The following DACH1 variants were observed in gnomAD, a reference collection of about 807,000 sequenced individuals.
DACH1 encodes the protein dachshund homolog 1.
DACH1 carries 12 observed loss-of-function variants against 54.2 expected under a neutral mutation model. The observed-to-expected ratio is 0.22, with a 90% confidence interval of 0.14 to 0.36. The LOEUF (loss-of-function observed/expected upper bound fraction) is 0.36. Ranked by LOEUF, DACH1 falls within the 10% of genes least tolerant of loss-of-function variation. The pLI is 1.00. For synonymous variants in DACH1, 386 were observed against 366.2 expected, an observed-to-expected ratio of 1.05 and a Z score of -0.62; for missense variants, 805 against 929.8, an observed-to-expected ratio of 0.87 and a Z score of 1.75.
chr13:71,557,505 A>G (rs554629995), intron 5 of DACH1, among the ~76,000 whole-genome samples: 6 of 152,294 alleles, frequency 3.9e-5, no homozygotes, highest in Non-Finnish European at 5.9e-5. Flanking sequence ...TTTCAGGATC[A>G]AGGGATAATT....
Position 71,625,066 on chromosome 13 carries a change from A to G in DACH1, c.1126+5490T>C, listed in dbSNP as rs145809472. On this transcript the variant is annotated intron_variant, in intron 3 of 10. Transcript: ENST00000613252. The stretch of plus-strand genomic sequence containing the variant: ...ACACCTGTCATAGCATGCTATGTAA[A>G]TTACTACCTCTCTCAGGACCTATGT... Among the ~76,000 whole-genome samples the G allele has an allele frequency of 4.1e-3, 630 of 152,030 alleles. 3 individuals are homozygous for G. Among genetic ancestry groups the G allele is most frequent in the Non-Finnish European group, 7.1e-3 (482 of 67,908 alleles).
At chr13:71,761,113 A>G (rs1228049516) in intron 1 of DACH1, among the ~76,000 whole-genome samples, 1 of 152,168 alleles carries the variant, frequency 6.6e-6, no homozygotes, top group Non-Finnish European at 1.5e-5. Flanking sequence ...AAAAGCTTGA[A>G]TTGAATAAAG....
intron 7 of DACH1, among the ~76,000 whole-genome samples, chr13:71,483,758 T>C (rs898271199): frequency 6.6e-6 from 1 of 152,022 alleles, no homozygotes; most frequent in Non-Finnish European, 1.5e-5. Context: ...CATAAGATTA[T>C]AATATCATAT....
chr13:71,689,817 T>G (rs1006287465), intron 1 of DACH1, among the ~76,000 whole-genome samples: 2 of 152,156 alleles, frequency 1.3e-5, no homozygotes, highest in Non-Finnish European at 2.9e-5. Context: ...TAAAGAGAGT[T>G]CCTGTCGTAG....
chr13:71,462,992 C>T (rs1160301929), intron 10 of DACH1, among the ~76,000 whole-genome samples: 1 of 151,570 alleles, frequency 6.6e-6, no homozygotes, highest in Non-Finnish European at 1.5e-5. Flanking sequence ...GATGTCTTTG[C>T]CATTTTGACA....
At chr13:71,687,824 G>T (rs1234643043) in intron 1 of DACH1, among the ~76,000 whole-genome samples, 2 of 152,076 alleles carry the variant, frequency 1.3e-5, no homozygotes, top group Middle Eastern at 3.2e-3. Context: ...GCCCAGGCTG[G>T]TCTCGAATTC....
chr13:71,489,153 A>ATGTGTT lies in DACH1; in HGVS notation c.1571-6_1571-5insAACACA. ...GTGTAGAAAGCGGGGTCTCATCTGC[A>ATGTGTT]TGTGATTGAAACAAAAATATAGAAC... On this transcript the variant is annotated splice_polypyrimidine_tract_variant and splice_region_variant and intron_variant, in intron 6 of 10. Coordinates refer to ENST00000613252, the MANE Select transcript of DACH1 (RefSeq NM_080759.6). 3 of 1,610,276 alleles carry ATGTGTT rather than the reference A, an allele frequency of 1.9e-6. No individual in the cohort carries two copies. The highest frequency in any genetic ancestry group is 2.5e-6 in the Non-Finnish European group (3 of 1,177,854).
At chr13:71,539,587 G>T (rs1593857577) in intron 6 of DACH1, among the ~76,000 whole-genome samples, 1 of 152,118 alleles carries the variant, frequency 6.6e-6, no homozygotes, top group East Asian at 1.9e-4. Context: ...AGGAATCAAT[G>T]TGCACAAATT....
chr13:71,732,584 TAAAAAAAAAAAA>T (rs768740365), intron 1 of DACH1, among the ~76,000 whole-genome samples: 1 of 110,626 alleles, frequency 9.0e-6, no homozygotes, highest in Non-Finnish European at 2.0e-5. Context: ...AGACTATTTC[TAAAAAAAAAAAA>T]AAAAAAAGTC....
chr13:71,462,315 A>AT (rs532634647), intron 10 of DACH1, among the ~76,000 whole-genome samples: 71 of 152,020 alleles, frequency 4.7e-4, no homozygotes, highest in Admixed American at 3.6e-3. Context: ...TAACTAGTTT[A>AT]TTTTTTATTC....
intron 7 of DACH1, 117 bp from the exon 8 acceptor site, chr13:71,479,433 A>G: frequency 1.0e-6 from 1 of 957,546 alleles, no homozygotes; most frequent in South Asian, 1.6e-5. Context: ...ATTCTTTCGC[A>G]TTCACTCTGC....
At chr13:71,465,595 T>C (rs1378511568) in intron 10 of DACH1, among the ~76,000 whole-genome samples, 1 of 152,142 alleles carries the variant, frequency 6.6e-6, no homozygotes, top group African/African-American at 2.4e-5. Context: ...TTTTTTGTTG[T>C]GATGATGTTT....
intron 6 of DACH1, among the ~76,000 whole-genome samples, chr13:71,494,023 C>A (rs549250704): frequency 6.6e-6 from 1 of 152,122 alleles, no homozygotes; most frequent in Non-Finnish European, 1.5e-5. Context: ...TATAAGGCAG[C>A]ACTCCCAATA....
intron 4 of DACH1, among the ~76,000 whole-genome samples, 157 bp downstream of exon 4, chr13:71,572,683 C>T (rs1885286661): frequency 2.6e-5 from 4 of 151,942 alleles, no homozygotes; most frequent in Admixed American, 2.6e-4. Context: ...AGTAATGTGC[C>T]CCTGGGGCCA....
intron 4 of DACH1, among the ~76,000 whole-genome samples, chr13:71,563,788 G>A (rs973999104): frequency 2.6e-5 from 4 of 151,416 alleles, no homozygotes; most frequent in African/African-American, 9.7e-5. Flanking sequence ...TTTAATTGTA[G>A]TTTTGTGTTC....
At chr13:71,855,139 A>G (rs975911975) in intron 1 of DACH1, among the ~76,000 whole-genome samples, 10 of 152,034 alleles carry the variant, frequency 6.6e-5, no homozygotes, top group African/African-American at 2.4e-4. Flanking sequence ...AGAGACTTTT[A>G]TGTTTGGTTC....
intron 2 of DACH1, among the ~76,000 whole-genome samples, chr13:71,663,605 T>C (rs549858507): frequency 6.6e-6 from 1 of 152,080 alleles, no homozygotes; most frequent in South Asian, 2.1e-4. Flanking sequence ...CAACATTTGC[T>C]TACTAGCCAC....
chr13:71,791,155 A>T, intron 1 of DACH1, among the ~76,000 whole-genome samples: 1 of 152,164 alleles, frequency 6.6e-6, no homozygotes, highest in East Asian at 1.9e-4. Context: ...ATCTTCCTTT[A>T]GTCAAATCTA....
chr13:71,514,943 T>G (rs1405125811), intron 6 of DACH1, among the ~76,000 whole-genome samples: 1 of 151,968 alleles, frequency 6.6e-6, no homozygotes, highest in Non-Finnish European at 1.5e-5. Context: ...AAATCTACAA[T>G]GTTTTCTTCT....
Sources: allele counts gnomAD v4.1 joint callset (sites outside exome capture counted in the v4.1 genomes callset), GRCh38; gene constraint gnomAD v4.1.1; transcripts MANE v1.5; gene names NCBI Gene and HGNC (gene_info 2026-07-23, HGNC 2026-07-21).